ATP11C: variants seen among roughly 807,000 people sequenced by gnomAD.
The protein encoded by ATP11C is phospholipid-transporting ATPase IG.
A neutral mutation model predicts 97.4 loss-of-function variants in ATP11C; 36 were observed. That is an observed-to-expected ratio of 0.37 (90% CI 0.28 to 0.49). ATP11C has a LOEUF of 0.49. ATP11C is among the 20% of genes least tolerant of loss of function. The probability of loss-of-function intolerance (pLI) is 0.98; values close to 1 mark genes in which losing one functional copy is unlikely to be tolerated. For synonymous variants in ATP11C, 275 were observed against 290.9 expected (o/e 0.95, Z 0.56); for missense variants, 730 against 824.6 (o/e 0.89, Z 1.40).
intron 18 of ATP11C, among the ~76,000 whole-genome samples, chrX:139,782,327 A>G (rs1312559572): frequency 9.5e-6 from 1 of 104,943 alleles, no homozygotes; most frequent in Non-Finnish European, 2.0e-5. Context: ...ACTCTGTCTC[A>G]AAAAAAAAAA....
chrX:139,799,816 C>A lies in ATP11C; in HGVS notation c.710+244G>T, dbSNP rs1426102456. Reference sequence around the variant, plus strand: ...TACAGATGTGTGCCACCACGCCCAGCTAAATTTGTATTTTTAATAGAGATT... The same window carrying A: ...TACAGATGTGTGCCACCACGCCCAGATAAATTTGTATTTTTAATAGAGATT... On this transcript the variant is annotated intron_variant, in intron 8 of 29. Coordinates refer to ENST00000682941, the MANE Select transcript of ATP11C (RefSeq NM_001353812.2). Among the ~76,000 whole-genome samples, 4 of 108,441 alleles carry A rather than the reference C, an allele frequency of 3.7e-5. No homozygotes were observed. In the East Asian group the frequency reaches 8.7e-4, roughly 24 times the overall value. The allele number at this position is 108,441 out of a possible 115,157, so 94.2% of individuals were successfully genotyped here.
chrX:139,769,477 A>T (rs1328966667), intron 19 of ATP11C, among the ~76,000 whole-genome samples: 1 of 105,620 alleles, frequency 9.5e-6, no homozygotes, highest in Non-Finnish European at 1.9e-5. Context: ...GGTTATATAT[A>T]GGTATATTTT....
chrX:139,847,257 C>T (rs1056444176), intron 1 of ATP11C, among the ~76,000 whole-genome samples: 1 of 110,140 alleles, frequency 9.1e-6, no homozygotes, highest in Non-Finnish European at 1.9e-5. Flanking sequence ...GGCGTGCATG[C>T]CTGTAGTCCA....
At chrX:139,885,046 G>A (rs1310718633) in intron 1 of ATP11C, among the ~76,000 whole-genome samples, 1 of 111,092 alleles carries the variant, frequency 9.0e-6, no homozygotes, top group Admixed American at 9.6e-5. Flanking sequence ...TACAAATCAC[G>A]ATATCTAAAA....
intron 29 of ATP11C, 62 bp from the exon 30 acceptor site, chrX:139,729,024 A>G: frequency 1.1e-6 from 1 of 901,589 alleles, no homozygotes; most frequent in Non-Finnish European, 1.6e-6. Flanking sequence ...ACCATCTGTT[A>G]AGCATTTTCA....
intron 1 of ATP11C, among the ~76,000 whole-genome samples, chrX:139,853,833 CAAA>C (rs934664774): frequency 1.4e-4 from 3 of 21,269 alleles, no homozygotes; most frequent in African/African-American, 1.7e-4. Context: ...TATCCTAAGT[CAAA>C]AAAAAAAAAA....
At chrX:139,827,709 G>C (rs2083560949) in intron 1 of ATP11C, among the ~76,000 whole-genome samples, 1 of 111,149 alleles carries the variant, frequency 9.0e-6, no homozygotes, top group African/African-American at 3.3e-5. Context: ...TTATTTTTTA[G>C]AACTATAATT....
intron 1 of ATP11C, among the ~76,000 whole-genome samples, chrX:139,876,933 T>C (rs1011701092): frequency 6.2e-5 from 7 of 112,763 alleles, no homozygotes; most frequent in Admixed American, 3.7e-4. Context: ...GCCATATCTA[T>C]GCCATATGCA....
chrX:139,824,197 A>G lies in ATP11C; in HGVS notation c.147+2507T>C, dbSNP rs140372334. 7.3e-4 allele frequency among the ~76,000 whole-genome samples: 80 copies of G among 110,119 alleles called. No individual in the cohort carries two copies. In the East Asian group the frequency reaches 0.014, roughly 20 times the overall value. ...AATTTTTAAAGGAAAAAAACACACA[A>G]CAGATAAACATGATGGAAACTAAAG... On this transcript the variant is annotated intron_variant, in intron 2 of 29. Coordinates refer to ENST00000682941, the MANE Select transcript of ATP11C (RefSeq NM_001353812.2).
intron 1 of ATP11C, among the ~76,000 whole-genome samples, chrX:139,841,122 C>T (rs1228690107): frequency 2.7e-5 from 3 of 112,641 alleles, no homozygotes; most frequent in African/African-American, 9.7e-5. Flanking sequence ...TAAAGAATAA[C>T]ATCTCAATGA....
rs929532021 is a variant in ATP11C, at chrX:139,919,151, G to A, written c.27+12865C>T. Reference sequence around the variant, plus strand: ...CCAGCTGCTCAGGAGGCTGAGGCACGAGAATAGCTTGAACCCGGGAGGCAG... The same window carrying A: ...CCAGCTGCTCAGGAGGCTGAGGCACAAGAATAGCTTGAACCCGGGAGGCAG... On this transcript the variant is annotated intron_variant, in intron 1 of 29. Transcript: ENST00000682941. 5.4e-5 allele frequency among the ~76,000 whole-genome samples: 6 copies of A among 110,529 alleles called. No homozygotes were observed. The East Asian group carries it at 8.6e-4, about 16-fold the overall frequency.
chrX:139,907,522 G>A (rs2084999204), intron 1 of ATP11C, among the ~76,000 whole-genome samples: 1 of 110,910 alleles, frequency 9.0e-6, no homozygotes, highest in Non-Finnish European at 1.9e-5. Flanking sequence ...GCTGAGCGGG[G>A]CACATCACGA....
chrX:139,864,227 A>G (rs1396710642), intron 1 of ATP11C, among the ~76,000 whole-genome samples: 3 of 112,344 alleles, frequency 2.7e-5, no homozygotes, highest in African/African-American at 9.7e-5. Context: ...ACAGTTTTAC[A>G]GCTATTAATG....
Position 139,826,789 on chromosome X carries a change from G to A in ATP11C, c.62C>T (p.Thr21Ile). 8.3e-7 allele frequency: 1 copy of A among 1,207,849 alleles called. No individual in the cohort carries two copies. Among genetic ancestry groups the A allele is most frequent in the Non-Finnish European group, 1.1e-6 (1 of 893,114 alleles). ...AGEEKRVGTRTVFVGNHPVSE... is the reference protein window; with the variant it reads ...AGEEKRVGTRIVFVGNHPVSE... ...AACTGGATGATTGCCAACAAACACT[G>A]TGCGTGTGCCAACTCGTTTCTCTTC... Residue 21 changes from threonine to isoleucine, a missense_variant, in exon 2 of 30, where the codon ACA becomes ATA. By Grantham distance (89) the Thr-to-Ile change is moderately conservative (BLOSUM62 -1). Transcript: ENST00000682941.
At chrX:139,820,654 G>C (rs2083389499) in intron 2 of ATP11C, among the ~76,000 whole-genome samples, 1 of 109,205 alleles carries the variant, frequency 9.2e-6, no homozygotes, top group Non-Finnish European at 1.9e-5. Context: ...ATTGGTAATA[G>C]GTAAAAGTTT....
Position 139,821,632 on chromosome X carries a change from T to C in ATP11C, c.148-2205A>G, listed in dbSNP as rs746003515. Among the ~76,000 whole-genome samples, 5 of 112,426 alleles carry C rather than the reference T, an allele frequency of 4.4e-5. No homozygotes were observed. The East Asian group carries it at 8.4e-4, about 19-fold the overall frequency. ...CCCAACTGTTAGTTGACCACTGTTT[T>C]ATTAAATGAACTGCTTCCTGGAGGA... On this transcript the variant is annotated intron_variant, in intron 2 of 29. Coordinates refer to ENST00000682941, the MANE Select transcript of ATP11C (RefSeq NM_001353812.2).
intron 5 of ATP11C, 68 bp from the exon 6 acceptor site, chrX:139,804,667 G>T: frequency 1.1e-6 from 1 of 893,802 alleles, no homozygotes; most frequent in Non-Finnish European, 1.5e-6. Context: ...TCATACAAAA[G>T]TCAAAACATT....
chrX:139,877,937 C>A (rs1426202511), intron 1 of ATP11C, among the ~76,000 whole-genome samples: 1 of 111,236 alleles, frequency 9.0e-6, no homozygotes, highest in Non-Finnish European at 1.9e-5. Context: ...GCAGGAGAAT[C>A]GCTTGAAACC....
At chrX:139,773,393 C>T (rs2082292384) in intron 19 of ATP11C, among the ~76,000 whole-genome samples, 1 of 111,195 alleles carries the variant, frequency 9.0e-6, no homozygotes, top group Admixed American at 9.6e-5. Flanking sequence ...GAAGAGACAG[C>T]AGAGGGCGGC....
Sources: allele counts gnomAD v4.1 joint callset (sites outside exome capture counted in the v4.1 genomes callset), GRCh38; gene constraint gnomAD v4.1.1; transcripts MANE v1.5; gene names NCBI Gene and HGNC (gene_info 2026-07-23, HGNC 2026-07-21).